The following SRPK2 variants were observed in gnomAD, a reference collection of about 807,000 sequenced individuals.
SRPK2 encodes the protein SRSF protein kinase 2, also known as SFRS protein kinase 2.
Under a neutral mutation model 90.8 loss-of-function variants are expected in SRPK2, and 21 were observed. The observed-to-expected ratio is 0.23, with a 90% CI of 0.16 to 0.33. SRPK2 has a LOEUF of 0.33. Among genes scored for constraint, SRPK2 ranks in the 10% least tolerant of loss-of-function variants. The pLI, the probability that SRPK2 is intolerant of heterozygous loss-of-function variation, is 1.00. For missense variants in SRPK2, 620 were observed against 869.0 expected (o/e 0.71, Z 3.60); for synonymous variants, 288 against 311.1 (o/e 0.93, Z 0.78).
chr7:105,388,537 G>A (rs1427105085), intron 2 of SRPK2, 111 bp downstream of exon 2: 6 of 944,222 alleles, frequency 6.4e-6, no homozygotes, highest in Non-Finnish European at 8.8e-6. Flanking sequence ...GCGTCCCGGG[G>A]GACCAGCCCG....
intron 2 of SRPK2, among the ~76,000 whole-genome samples, chr7:105,351,042 T>C (rs1263116722): frequency 6.6e-6 from 1 of 152,198 alleles, no homozygotes; most frequent in Non-Finnish European, 1.5e-5. Context: ...AATGTGGGTA[T>C]TATGAGGCAG....
chr7:105,391,914 T>C (rs1586038325), upstream of SRPK2, among the ~76,000 whole-genome samples: 1 of 152,178 alleles, frequency 6.6e-6, no homozygotes, highest in South Asian at 2.1e-4. Context: ...TGAGTGTTCA[T>C]AGCAGCGCTA....
intron 2 of SRPK2, among the ~76,000 whole-genome samples, chr7:105,385,989 G>A (rs1821535934): frequency 1.3e-5 from 2 of 152,058 alleles, no homozygotes; most frequent in Admixed American, 6.6e-5. Context: ...ACCTCCCAAG[G>A]TTAGCTTTGC....
At chr7:105,278,219 G>A (rs1229204300) in intron 2 of SRPK2, among the ~76,000 whole-genome samples, 2 of 151,658 alleles carry the variant, frequency 1.3e-5, no homozygotes, top group African/African-American at 2.4e-5. Flanking sequence ...AGGAGGCTGA[G>A]GCAGGAGAAT....
chr7:105,336,038 A>C (rs1250677219), intron 2 of SRPK2, among the ~76,000 whole-genome samples: 1 of 152,202 alleles, frequency 6.6e-6, no homozygotes, highest in African/African-American at 2.4e-5. Context: ...TAAAGCCAAA[A>C]GCACAAAATG....
chr7:105,383,240 A>ATT (rs879554254), intron 2 of SRPK2, among the ~76,000 whole-genome samples: 4 of 138,796 alleles, frequency 2.9e-5, no homozygotes, highest in Non-Finnish European at 4.7e-5. Context: ...AATTTTTTGT[A>ATT]TTTTTTTTTT....
upstream of SRPK2, chr7:105,389,056 C>G: frequency 1.0e-6 from 1 of 970,084 alleles, no homozygotes; most frequent in Non-Finnish European, 1.2e-6. Context: ...GCCCCGCGCC[C>G]CCGCCCCACC....
chr7:105,114,778 A>C (rs570356181), downstream of SRPK2, among the ~76,000 whole-genome samples: 1 of 152,284 alleles, frequency 6.6e-6, no homozygotes, highest in African/African-American at 2.4e-5. Context: ...TTCCTTTTGA[A>C]AATTAGCTAA....
At chr7:105,142,738 A>C (rs190905777) in intron 10 of SRPK2, among the ~76,000 whole-genome samples, 1 of 152,346 alleles carries the variant, frequency 6.6e-6, no homozygotes, top group African/African-American at 2.4e-5. Flanking sequence ...ATAAAGTTGC[A>C]CTTCCATTTC....
intron 2 of SRPK2, chr7:105,245,077 C>G: frequency 5.7e-6 from 2 of 349,120 alleles, no homozygotes; most frequent in Non-Finnish European, 1.1e-5. Flanking sequence ...ACACACACCT[C>G]TTTTTCTTAG....
At chr7:105,227,028 C>T (rs938981807) in intron 2 of SRPK2, among the ~76,000 whole-genome samples, 1 of 152,088 alleles carries the variant, frequency 6.6e-6, no homozygotes, top group East Asian at 1.9e-4. Flanking sequence ...CACCCTCTAG[C>T]GCTTGTGTGT....
At chr7:105,343,875 G>C (rs1816127211) in intron 2 of SRPK2, among the ~76,000 whole-genome samples, 1 of 152,052 alleles carries the variant, frequency 6.6e-6, no homozygotes, top group Non-Finnish European at 1.5e-5. Context: ...CGATTCTCCT[G>C]CCTCAGCCTC....
Position 105,208,736 on chromosome 7 carries a change from A to G in SRPK2, c.72-4951T>C, listed in dbSNP as rs559538632. Among the ~76,000 whole-genome samples the G allele has an allele frequency of 3.2e-4, 49 of 152,322 alleles. 1 individual carries two copies. The highest frequency in any genetic ancestry group is 4.4e-4 in the Non-Finnish European group (30 of 68,034). On this transcript the variant is annotated intron_variant, in intron 2 of 15. Coordinates refer to ENST00000393651, the MANE Select transcript of SRPK2 (RefSeq NM_182692.3). Reference sequence around the variant, plus strand: ...TGTCCTAATGTGGTGATGGTTGTACAATTCTGTGAACATAATAAAAAACAC... The same window carrying G: ...TGTCCTAATGTGGTGATGGTTGTACGATTCTGTGAACATAATAAAAAACAC...
At chr7:105,386,645 A>G (rs1167956155) in intron 2 of SRPK2, among the ~76,000 whole-genome samples, 1 of 152,214 alleles carries the variant, frequency 6.6e-6, no homozygotes, top group Non-Finnish European at 1.5e-5. Context: ...TGAACCTGGG[A>G]GGCGGAGGTT....
At chr7:105,248,323 G>A (rs1025235725) in intron 2 of SRPK2, among the ~76,000 whole-genome samples, 16 of 151,660 alleles carry the variant, frequency 1.1e-4, no homozygotes, top group Non-Finnish European at 4.4e-5. Flanking sequence ...AGGGGTGGTG[G>A]CACAAGTACT....
intron 7 of SRPK2, among the ~76,000 whole-genome samples, chr7:105,159,524 T>C (rs1382975777): frequency 1.4e-5 from 2 of 146,206 alleles, no homozygotes; most frequent in East Asian, 2.0e-4. Context: ...AACAAAGTTA[T>C]CTGCACACAA....
chr7:105,230,797 G>A (rs1047758200), intron 2 of SRPK2, among the ~76,000 whole-genome samples: 1 of 151,814 alleles, frequency 6.6e-6, no homozygotes, highest in Non-Finnish European at 1.5e-5. Context: ...TTCTATCTTA[G>A]GAATTTATTT....
intron 14 of SRPK2, 114 bp downstream of exon 14, chr7:105,126,879 G>A (rs1562958106): frequency 6.9e-6 from 7 of 1,010,582 alleles, no homozygotes; most frequent in Non-Finnish European, 1.1e-5. Flanking sequence ...TCTGAATTTG[G>A]TGTTTGAAAA....
chr7:105,159,871 A>AGT (rs1563006725), intron 7 of SRPK2, among the ~76,000 whole-genome samples: 1 of 152,226 alleles, frequency 6.6e-6, no homozygotes, highest in Non-Finnish European at 1.5e-5. Context: ...ATATATTAGT[A>AGT]GTGTACATGT....
Sources: gnomAD v4.1 joint callset for allele counts (sites outside exome capture counted in the v4.1 genomes callset) on GRCh38, gnomAD v4.1.1 for gene constraint, MANE v1.5 for transcripts, NCBI Gene and HGNC (gene_info 2026-07-23, HGNC 2026-07-21) for gene names.